Variants in MIR2052HG observed in about 807,000 individuals in gnomAD.
The protein encoded by MIR2052HG is MIR2052 host gene.
At chr8:74,679,517 T>TTTATTA (rs1202431332) in intron 2 of MIR2052HG, among the ~76,000 whole-genome samples, 1 of 127,420 alleles carries the variant, frequency 7.8e-6, no homozygotes, top group East Asian at 2.4e-4. Context: ...ATTTGGCTTG[T>TTTATTA]TTACTATTAT....
chr8:74,678,114 T>C (rs1018619710), intron 2 of MIR2052HG, among the ~76,000 whole-genome samples: 4 of 152,142 alleles, frequency 2.6e-5, no homozygotes, highest in Non-Finnish European at 4.4e-5. Flanking sequence ...AGATAATAAT[T>C]TGAATTGCCC....
chr8:74,629,662 C>T (rs1808481812), intron 2 of MIR2052HG, among the ~76,000 whole-genome samples: 1 of 152,002 alleles, frequency 6.6e-6, no homozygotes, highest in East Asian at 1.9e-4. Context: ...CTTTTGCAGC[C>T]AACACTCACA....
At position 74,645,566 on chromosome 8, in the gene MIR2052HG, C is replaced by T. The variant is rs142630938; in HGVS notation, n.216+32626C>T. On this transcript the variant is annotated intron_variant and non_coding_transcript_variant, in intron 2 of 6. Transcript: ENST00000523442. ...TCCCAAAGTACTGGGATTACCGGCG[C>T]GAGCCACTGCGCCCGGCCTAGAAGA... Among the ~76,000 whole-genome samples, 1,125 of 152,212 alleles carry T rather than the reference C, an allele frequency of 7.4e-3. 33 individuals are homozygous for T. The highest frequency in any genetic ancestry group is 0.048 in the Admixed American group (735 of 15,296).
At chr8:74,641,509 T>G (rs1255249486) in intron 2 of MIR2052HG, among the ~76,000 whole-genome samples, 1 of 152,202 alleles carries the variant, frequency 6.6e-6, no homozygotes, top group Non-Finnish European at 1.5e-5. Context: ...TTCTCTATAA[T>G]GAACTACAAA....
chr8:74,666,002 C>T (rs56134812), intron 2 of MIR2052HG, among the ~76,000 whole-genome samples: 3,570 of 152,234 alleles, frequency 0.023, 142 homozygotes, highest in African/African-American at 0.081. Context: ...GATCATTAAG[C>T]CTCTTTCCTT....
intron 2 of MIR2052HG, among the ~76,000 whole-genome samples, chr8:74,642,538 C>T (rs1361504110): frequency 1.3e-5 from 2 of 152,090 alleles, no homozygotes; most frequent in East Asian, 3.8e-4. Context: ...TTTGAGATTA[C>T]TGTTAATGAT....
chr8:74,732,280 A>G (rs955647624), intron 4 of MIR2052HG, among the ~76,000 whole-genome samples: 3 of 152,220 alleles, frequency 2.0e-5, no homozygotes, highest in Non-Finnish European at 4.4e-5. Flanking sequence ...TGTGTAGGTT[A>G]TAAGCAAATA....
chr8:74,677,538 A>G (rs1809068016), intron 2 of MIR2052HG, among the ~76,000 whole-genome samples: 1 of 152,162 alleles, frequency 6.6e-6, no homozygotes, highest in Non-Finnish European at 1.5e-5. Flanking sequence ...GTAAATTGCA[A>G]CAAAAATTAA....
chr8:74,630,668 C>T (rs1808498462), intron 2 of MIR2052HG, among the ~76,000 whole-genome samples: 1 of 152,158 alleles, frequency 6.6e-6, no homozygotes, highest in South Asian at 2.1e-4. Flanking sequence ...GGACAAAACA[C>T]TGGCTGGACA....
chr8:74,681,164 GTAAC>G (rs1389364173), intron 2 of MIR2052HG, among the ~76,000 whole-genome samples: 2 of 151,284 alleles, frequency 1.3e-5, no homozygotes, highest in African/African-American at 4.9e-5. Flanking sequence ...GTATACATAT[GTAAC>G]TAACCTGCAC....
intron 2 of MIR2052HG, among the ~76,000 whole-genome samples, chr8:74,670,734 A>T (rs1808982866): frequency 6.6e-6 from 1 of 152,194 alleles, no homozygotes; most frequent in South Asian, 2.1e-4. Flanking sequence ...AAACAAGCCA[A>T]CTGGGAGAAA....
At chr8:74,684,522 G>A (rs1241495871) in intron 2 of MIR2052HG, among the ~76,000 whole-genome samples, 1 of 152,026 alleles carries the variant, frequency 6.6e-6, no homozygotes, top group Non-Finnish European at 1.5e-5. Context: ...CTAACACATT[G>A]CAAGATCACA....
chr8:74,736,660 C>G (rs1039048361), intron 4 of MIR2052HG, among the ~76,000 whole-genome samples: 2 of 152,210 alleles, frequency 1.3e-5, no homozygotes, highest in Admixed American at 6.5e-5. Context: ...GACATTTGTT[C>G]TAAGTGTGAG....
At chr8:74,654,448 C>T (rs951353707) in intron 2 of MIR2052HG, among the ~76,000 whole-genome samples, 5 of 152,090 alleles carry the variant, frequency 3.3e-5, no homozygotes, top group Non-Finnish European at 5.9e-5. Context: ...TCCCGGAACT[C>T]CCCCGTGTTG....
chr8:74,696,913 C>T (rs976723201), intron 2 of MIR2052HG, among the ~76,000 whole-genome samples: 2 of 151,676 alleles, frequency 1.3e-5, no homozygotes, highest in African/African-American at 4.8e-5. Context: ...TTGCACCAGT[C>T]CTTTTGACAC....
chr8:74,622,490 G>C (rs930559368), intron 2 of MIR2052HG, among the ~76,000 whole-genome samples: 1 of 152,152 alleles, frequency 6.6e-6, no homozygotes, highest in Admixed American at 6.5e-5. Context: ...TGCAGTCCCT[G>C]CTACTTGGGA....
chr8:74,755,447 T>C (rs1212451080), intron 5 of MIR2052HG, among the ~76,000 whole-genome samples: 1 of 152,232 alleles, frequency 6.6e-6, no homozygotes, highest in African/African-American at 2.4e-5. Context: ...TAACATTGGT[T>C]CTGGGAAAGT....
chr8:74,697,596 G>A (rs896021889), intron 2 of MIR2052HG, among the ~76,000 whole-genome samples: 2 of 152,064 alleles, frequency 1.3e-5, no homozygotes, highest in Non-Finnish European at 2.9e-5. Flanking sequence ...CATCTAAAAA[G>A]CTCCTGGAAC....
intron 1 of MIR2052HG, among the ~76,000 whole-genome samples, chr8:74,607,546 A>T (rs999776964): frequency 6.6e-6 from 1 of 152,190 alleles, no homozygotes; most frequent in Non-Finnish European, 1.5e-5. Context: ...CAGGAGGCAG[A>T]GGTTGCAGTG....
Sources: gnomAD v4.1 joint callset for allele counts (sites outside exome capture counted in the v4.1 genomes callset) on GRCh38, gnomAD v4.1.1 for gene constraint, MANE v1.5 for transcripts, NCBI Gene and HGNC (gene_info 2026-07-23, HGNC 2026-07-21) for gene names.